ADGRV1: variants seen among roughly 807,000 people sequenced by gnomAD.
ADGRV1 encodes G-protein coupled receptor 98.
ADGRV1 carries 359 observed loss-of-function variants against 596.2 expected under a neutral mutation model. That is an observed-to-expected ratio of 0.60 (90% CI 0.55 to 0.66). The LOEUF (loss-of-function observed/expected upper bound fraction) is 0.66, where lower values mean the gene tolerates loss of function less well. ADGRV1 is among the 30% of genes least tolerant of loss of function. The pLI, the probability that ADGRV1 is intolerant of heterozygous loss-of-function variation, is 0.00. For missense variants in ADGRV1, 7,274 were observed against 7,575.6 expected, an observed-to-expected ratio of 0.96 and a Z score of 1.48; for synonymous variants, 2,681 against 2,679.2, an observed-to-expected ratio of 1.00 and a Z score of -0.02.
At chr5:90,806,585 C>T (rs1293643227) in intron 72 of ADGRV1, among the ~76,000 whole-genome samples, 4 of 152,008 alleles carry the variant, frequency 2.6e-5, no homozygotes, top group African/African-American at 9.7e-5. Context: ...TAACCACTTG[C>T]TACATATGAA....
chr5:91,063,205 C>T (rs1201041774), intron 85 of ADGRV1, among the ~76,000 whole-genome samples: 1 of 151,928 alleles, frequency 6.6e-6, no homozygotes, highest in Non-Finnish European at 1.5e-5. Context: ...GCGATCTGCC[C>T]ACCTCGGCCT....
At chr5:90,937,500 C>G (rs1361490452) in intron 83 of ADGRV1, among the ~76,000 whole-genome samples, 1 of 146,400 alleles carries the variant, frequency 6.8e-6, no homozygotes, top group East Asian at 2.0e-4. Context: ...CTCTGTCGCC[C>G]AGGCTGGAGT....
At chr5:90,927,618 T>C (rs1255750348) in intron 83 of ADGRV1, among the ~76,000 whole-genome samples, 1 of 152,196 alleles carries the variant, frequency 6.6e-6, no homozygotes, top group Admixed American at 6.5e-5. Context: ...AATTGGAGCA[T>C]TTAGTCCATT....
At chr5:90,881,710 C>T (rs955611042) in intron 83 of ADGRV1, among the ~76,000 whole-genome samples, 2 of 151,750 alleles carry the variant, frequency 1.3e-5, no homozygotes, top group Non-Finnish European at 2.9e-5. Flanking sequence ...AAAGAAGAGA[C>T]ATCAAGTATG....
intron 85 of ADGRV1, among the ~76,000 whole-genome samples, chr5:91,062,953 CT>C (rs70973726): frequency 0.43 from 34,849 of 80,716 alleles, 5,560 homozygotes; most frequent in South Asian, 0.52. Context: ...GTTTCTCAAA[CT>C]TTTTTTTTTT....
intron 89 of ADGRV1, among the ~76,000 whole-genome samples, chr5:91,160,030 TC>T (rs1435922493): frequency 6.6e-6 from 1 of 152,218 alleles, no homozygotes; most frequent in African/African-American, 2.4e-5. Flanking sequence ...CTAACCTGAT[TC>T]CCCACCATCC....
At chr5:91,022,369 A>G (rs1415631493) in intron 85 of ADGRV1, among the ~76,000 whole-genome samples, 1 of 152,072 alleles carries the variant, frequency 6.6e-6, no homozygotes, top group Non-Finnish European at 1.5e-5. Context: ...AGTGGAGCCC[A>G]AATGGTGAGA....
chr5:90,911,739 C>G (rs1273404109), intron 83 of ADGRV1, among the ~76,000 whole-genome samples: 4 of 152,078 alleles, frequency 2.6e-5, no homozygotes. Context: ...TATTCCGCCT[C>G]TGTTATCTTA....
chr5:90,776,263 G>A (rs1581086832), intron 60 of ADGRV1, among the ~76,000 whole-genome samples, 190 bp from the exon 61 acceptor site: 1 of 151,974 alleles, frequency 6.6e-6, no homozygotes, highest in African/African-American at 2.4e-5. Flanking sequence ...CAAGCGATTT[G>A]CCTCCATGTC....
intron 21 of ADGRV1, among the ~76,000 whole-genome samples, chr5:90,659,143 G>C (rs1769866946): frequency 6.6e-6 from 1 of 152,138 alleles, no homozygotes; most frequent in Admixed American, 6.5e-5. Context: ...AGTCTTAAGA[G>C]ATCTTCAAAT....
intron 59 of ADGRV1, among the ~76,000 whole-genome samples, chr5:90,771,007 A>G (rs1757635126): frequency 6.6e-6 from 1 of 152,086 alleles, no homozygotes; most frequent in Admixed American, 6.6e-5. Flanking sequence ...TTGGTTACAT[A>G]TTTTTCATTG....
At chr5:90,802,677 G>A in intron 70 of ADGRV1, 62 bp from the exon 71 acceptor site, 1 of 1,497,380 alleles carries the variant, frequency 6.7e-7, no homozygotes, top group Admixed American at 1.9e-5. Flanking sequence ...AATGGCTCAA[G>A]TCAAAGAACA....
In ADGRV1 at chr5:90,694,182, A is replaced by C. The variant is rs2149640727; in HGVS notation, c.7426A>C (p.Asn2476His). ...ATCATGGATCAGCCCAGCTGTCAAC[A>C]ATTCAGACTTCTGGACCTACAGGAA... ...MTSWISPAVN[N>H]SDFWTYRKNM... The change falls in exon 33 of 90, where the codon AAT becomes CAT. Residue 2476 changes from asparagine (N) to histidine (H), a missense_variant. This residue lies in a region of ADGRV1 where 3,643 missense variants were observed against 3,809.2 expected (regional missense o/e 0.96). Transcript: ENST00000405460. 6.2e-7 allele frequency: 1 copy of C among 1,613,884 alleles called. No homozygotes were observed. Among genetic ancestry groups the C allele is most frequent in the Non-Finnish European group, 8.5e-7 (1 of 1,179,862 alleles).
In ADGRV1 at chr5:90,822,896, G is replaced by T. The variant is rs531289812; in HGVS notation, c.16197-529G>T. Reference sequence around the variant, plus strand: ...ATTTTATTCTCTTTGAAGCAATTGTGAATGGGAGTTCACTCATGATTTGGC... The same window carrying T: ...ATTTTATTCTCTTTGAAGCAATTGTTAATGGGAGTTCACTCATGATTTGGC... On this transcript the variant is annotated intron_variant, in intron 75 of 89. Transcript: ENST00000405460. Among the ~76,000 whole-genome samples, 91 of 152,214 alleles carry T rather than the reference G, an allele frequency of 6.0e-4. 1 individual carries two copies. The highest frequency in any genetic ancestry group is 2.2e-3 in the African/African-American group (90 of 41,546).
chr5:91,153,756 CA>C (rs1206327699), intron 89 of ADGRV1, among the ~76,000 whole-genome samples: 7 of 152,250 alleles, frequency 4.6e-5, no homozygotes, highest in Non-Finnish European at 7.3e-5. Flanking sequence ...CCTTCTTATG[CA>C]GTGCCTTTGA....
At chr5:90,827,093 G>C (rs930912078) in intron 76 of ADGRV1, among the ~76,000 whole-genome samples, 2 of 152,080 alleles carry the variant, frequency 1.3e-5, no homozygotes, top group African/African-American at 2.4e-5. Flanking sequence ...TTTAAGTAAG[G>C]TATTGTTTCA....
At chr5:91,137,813 T>C (rs965094892) in intron 87 of ADGRV1, among the ~76,000 whole-genome samples, 1 of 152,194 alleles carries the variant, frequency 6.6e-6, no homozygotes, top group Non-Finnish European at 1.5e-5. Context: ...ACTGCCTGCA[T>C]GGAGCCTACA....
At chr5:90,603,169 G>A (rs1313739482) in intron 1 of ADGRV1, among the ~76,000 whole-genome samples, 1 of 152,124 alleles carries the variant, frequency 6.6e-6, no homozygotes, top group African/African-American at 2.4e-5. Context: ...TAGAGGTGGC[G>A]GATACTGTGG....
intron 51 of ADGRV1, 142 bp from the exon 52 acceptor site, chr5:90,745,449 A>G: frequency 1.4e-6 from 1 of 728,472 alleles, no homozygotes; most frequent in South Asian, 2.1e-5. Context: ...GTATTACATG[A>G]ATATTTTGGA....
Sources: gnomAD v4.1 joint callset for allele counts (sites outside exome capture counted in the v4.1 genomes callset) on GRCh38, gnomAD v4.1.1 for gene constraint, gnomAD v4.1.1 regional missense constraint, MANE v1.5 for transcripts, NCBI Gene and HGNC (gene_info 2026-07-23, HGNC 2026-07-21) for gene names.